HELZ: variants seen among roughly 807,000 people sequenced by gnomAD.
The protein encoded by HELZ is ATP-dependent RNA helicase with zinc finger domain.
In HELZ, 23 loss-of-function variants were observed where a neutral mutation model predicts 218.2. The observed-to-expected ratio is 0.11, with a 90% CI of 0.08 to 0.15. The LOEUF is 0.15. Ranked by LOEUF, HELZ falls within the 10% of genes least tolerant of loss-of-function variation. HELZ has a pLI of 1.00. For synonymous variants in HELZ, 814 were observed against 829.4 expected (o/e 0.98, Z 0.32); for missense variants, 1,813 against 2,353.7 (o/e 0.77, Z 4.75).
At chr17:67,124,528 C>A (rs2037720705) in intron 24 of HELZ, among the ~76,000 whole-genome samples, 1 of 151,816 alleles carries the variant, frequency 6.6e-6, no homozygotes, top group African/African-American at 2.4e-5. Flanking sequence ...TTTAAAAAAA[C>A]AAAAACAGGA....
intron 3 of HELZ, among the ~76,000 whole-genome samples, chr17:67,226,591 T>C (rs1411497490): frequency 6.6e-6 from 1 of 152,176 alleles, no homozygotes; most frequent in Non-Finnish European, 1.5e-5. Context: ...TTGCAGCTTC[T>C]TATAAAATCA....
chr17:67,237,563 A>AT (rs564482878), intron 3 of HELZ, among the ~76,000 whole-genome samples: 73 of 150,742 alleles, frequency 4.8e-4, no homozygotes, highest in African/African-American at 9.0e-4. Context: ...ATGTAGATAG[A>AT]TTTTTTTTTT....
At chr17:67,094,547 T>C (rs2036682849) in intron 31 of HELZ, among the ~76,000 whole-genome samples, 1 of 152,166 alleles carries the variant, frequency 6.6e-6, no homozygotes, top group Admixed American at 6.5e-5. Context: ...CGTAAATTTT[T>C]TGGTTTTCCA....
In HELZ at chr17:67,243,844, G is replaced by A. The variant is rs1167651958; in HGVS notation, c.-131-5C>T. ...ATCCATTACTTCATCCAAATCCTGA[G>A]GCAAATAGAAAAGATGTTTCCATAC... On this transcript the variant is annotated splice_region_variant and splice_polypyrimidine_tract_variant and intron_variant, in intron 1 of 32. Coordinates refer to ENST00000358691, the MANE Select transcript of HELZ (RefSeq NM_014877.4). 1 of 244,570 alleles carries A rather than the reference G, an allele frequency of 4.1e-6. No homozygotes were observed. Among genetic ancestry groups the A allele is most frequent in the Non-Finnish European group, 6.6e-6 (1 of 152,666 alleles). The allele number at this position is 244,570 out of a possible 1,614,324, so 15.1% of individuals were successfully genotyped here. A position where few individuals can be genotyped will look rare whatever the true frequency, so the allele number is the denominator to read the frequency against.
intron 9 of HELZ, among the ~76,000 whole-genome samples, chr17:67,191,785 T>C (rs1311586121): frequency 1.3e-5 from 2 of 150,060 alleles, no homozygotes; most frequent in East Asian, 3.9e-4. Context: ...TTTTTTGAGA[T>C]GGCATTAACT....
intron 4 of HELZ, 47 bp downstream of exon 4, chr17:67,218,548 G>C (rs746183548): frequency 5.2e-5 from 74 of 1,410,880 alleles, no homozygotes; most frequent in Middle Eastern, 3.5e-4. Flanking sequence ...AATGAAAAAG[G>C]CCATTTTACA....
At chr17:67,147,517 G>A (rs557618195) in intron 20 of HELZ, among the ~76,000 whole-genome samples, 20 of 151,978 alleles carry the variant, frequency 1.3e-4, no homozygotes, top group African/African-American at 2.9e-4. Flanking sequence ...TTGCTCTGTC[G>A]CCCAGGCTGG....
intron 12 of HELZ, among the ~76,000 whole-genome samples, chr17:67,180,217 C>A (rs546004821): frequency 1.3e-5 from 2 of 152,220 alleles, no homozygotes; most frequent in African/African-American, 4.8e-5. Context: ...CGCACAGTAG[C>A]TCCCGCCTGT....
Position 67,125,343 on chromosome 17 carries a change from T to TATATAC in HELZ, c.3388-1330_3388-1329insGTATAT, listed in dbSNP as rs1555605956. On this transcript the variant is annotated intron_variant, in intron 24 of 32. Transcript: ENST00000358691. The stretch of plus-strand genomic sequence containing the variant: ...ATATATATATATATATATATATATA[T>TATATAC]ATACTTGTGAGGAATAGAGACGTGA... Among the ~76,000 whole-genome samples the TATATAC allele has an allele frequency of 4.6e-4, 28 of 61,390 alleles. 2 individuals carry two copies. The highest frequency in any genetic ancestry group is 6.8e-4 in the Non-Finnish European group (22 of 32,374). The allele number at this position is 61,390 out of a possible 152,430, so 40.3% of individuals were successfully genotyped here. A position where few individuals can be genotyped will look rare whatever the true frequency, so the allele number is the denominator to read the frequency against.
At chr17:67,225,387 G>A (rs2040862968) in intron 3 of HELZ, 2 of 166,192 alleles carry the variant, frequency 1.2e-5, no homozygotes, top group African/African-American at 2.4e-5. Flanking sequence ...CTTTTACCAC[G>A]ACACTGATTC....
At chr17:67,164,735 G>A (rs2039090939) in intron 15 of HELZ, among the ~76,000 whole-genome samples, 1 of 152,114 alleles carries the variant, frequency 6.6e-6, no homozygotes, top group Non-Finnish European at 1.5e-5. Context: ...GAGAAAAGGA[G>A]TGTCAAGTAG....
intron 12 of HELZ, among the ~76,000 whole-genome samples, chr17:67,179,210 T>C (rs1189935155): frequency 2.0e-5 from 3 of 152,144 alleles, no homozygotes; most frequent in Non-Finnish European, 4.4e-5. Flanking sequence ...GATTAACATT[T>C]AGAACTTAAC....
At chr17:67,204,591 CAATT>C (rs1288485866) in intron 5 of HELZ, among the ~76,000 whole-genome samples, 4 of 151,974 alleles carry the variant, frequency 2.6e-5, no homozygotes, top group Non-Finnish European at 5.9e-5. Flanking sequence ...ATAATAATTC[CAATT>C]ATTAACTATT....
intron 28 of HELZ, 108 bp downstream of exon 28, chr17:67,114,216 A>G: frequency 1.4e-6 from 1 of 736,788 alleles, no homozygotes; most frequent in Non-Finnish European, 2.4e-6. Context: ...AAAAATAAAC[A>G]TAAAGGATAA....
intron 13 of HELZ, among the ~76,000 whole-genome samples, chr17:67,170,653 CCT>C (rs2039281405): frequency 6.6e-6 from 1 of 151,940 alleles, no homozygotes; most frequent in South Asian, 2.1e-4. Flanking sequence ...ATGGTGAAAC[CCT>C]GTCTCTACTA....
At chr17:67,109,906 A>G (rs1032270678) in intron 28 of HELZ, among the ~76,000 whole-genome samples, 3 of 152,250 alleles carry the variant, frequency 2.0e-5, no homozygotes, top group Non-Finnish European at 4.4e-5. Context: ...AATGTGAGTC[A>G]TAAGAAAAGA....
chr17:67,131,182 G>A (rs1363933247), intron 23 of HELZ, among the ~76,000 whole-genome samples: 1 of 152,082 alleles, frequency 6.6e-6, no homozygotes, highest in Non-Finnish European at 1.5e-5. Context: ...GCTACTGTAC[G>A]CAGCCTCTAG....
chr17:67,115,188 A>G (rs576857416), intron 27 of HELZ, among the ~76,000 whole-genome samples: 30 of 152,272 alleles, frequency 2.0e-4, no homozygotes, highest in African/African-American at 7.2e-4. Flanking sequence ...GAATGGAATT[A>G]CCAGCAGAAT....
intron 22 of HELZ, among the ~76,000 whole-genome samples, chr17:67,137,701 A>G (rs1399219347): frequency 2.0e-5 from 3 of 152,230 alleles, no homozygotes; most frequent in African/African-American, 7.2e-5. Flanking sequence ...CATTGATATA[A>G]TTATGGTCAC....
Sources: allele counts gnomAD v4.1 joint callset (sites outside exome capture counted in the v4.1 genomes callset), GRCh38; gene constraint gnomAD v4.1.1; transcripts MANE v1.5; gene names NCBI Gene and HGNC (gene_info 2026-07-23, HGNC 2026-07-21).